The following JPH2 variants were observed in gnomAD, a reference collection of about 807,000 sequenced individuals.
JPH2 encodes the protein junctophilin-2.
A neutral mutation model predicts 55.9 loss-of-function variants in JPH2; 38 were observed. The observed-to-expected ratio is 0.68, with a 90% CI of 0.52 to 0.89. The LOEUF is 0.89. Among genes scored for constraint, JPH2 ranks in the 40% least tolerant of loss-of-function variants. The pLI, the probability that JPH2 is intolerant of heterozygous loss-of-function variation, is 0.00. For synonymous variants in JPH2, 480 were observed against 472.4 expected, an observed-to-expected ratio of 1.02 and a Z score of -0.21; for missense variants, 964 against 1,037.6, an observed-to-expected ratio of 0.93 and a Z score of 0.97.
Position 44,126,164 on chromosome 20 carries a change from G to GGAAGGAAGGA in JPH2, c.1170-7542_1170-7541insTCCTTCCTTC, listed in dbSNP as rs1569186945. ...AGAGGGAGGGAGGGAGGGAGGGAGGGAGGGAGGAAGGAAGGAAGGAAGGAA... is the reference window on the plus strand; with the variant it reads ...AGAGGGAGGGAGGGAGGGAGGGAGGGGAAGGAAGGAAGGGAGGAAGGAAGGAAGGAAGGAA... On this transcript the variant is annotated intron_variant, in intron 2 of 5. Transcript: ENST00000372980. 4.3e-3 allele frequency among the ~76,000 whole-genome samples: 128 copies of GGAAGGAAGGA among 30,104 alleles called. 5 individuals carry two copies. Among genetic ancestry groups the GGAAGGAAGGA allele is most frequent in the African/African-American group, 0.014 (122 of 8,874 alleles). 19.7% of individuals were successfully genotyped at this position (30,104 alleles called of 152,430 possible).
At chr20:44,155,748 CTG>C (rs2072561121) in intron 2 of JPH2, among the ~76,000 whole-genome samples, 1 of 152,176 alleles carries the variant, frequency 6.6e-6, no homozygotes, top group African/African-American at 2.4e-5. Flanking sequence ...CTCCTCAAAA[CTG>C]TTGGGCTGGG....
At chr20:44,163,903 A>G (rs2072634709) in intron 1 of JPH2, among the ~76,000 whole-genome samples, 1 of 152,232 alleles carries the variant, frequency 6.6e-6, no homozygotes, top group Admixed American at 6.5e-5. Flanking sequence ...CCCTTCAATG[A>G]CCAGCCTCAA....
chr20:44,176,007 C>T (rs1001380698), intron 1 of JPH2, among the ~76,000 whole-genome samples: 1 of 152,192 alleles, frequency 6.6e-6, no homozygotes, highest in Non-Finnish European at 1.5e-5. Flanking sequence ...CTCCTCAAAC[C>T]CTCACCCCAT....
intron 2 of JPH2, among the ~76,000 whole-genome samples, chr20:44,135,782 C>A (rs974232725): frequency 2.0e-5 from 3 of 152,196 alleles, no homozygotes; most frequent in Admixed American, 2.0e-4. Context: ...ATCTCATCTC[C>A]TTTAAGATCA....
At position 44,186,394 on chromosome 20, in the gene JPH2, G is replaced by C; in HGVS notation, c.312C>G (p.Ala104=). 2 of 1,613,542 alleles carry C rather than the reference G, an allele frequency of 1.2e-6. No homozygotes were observed. Among genetic ancestry groups the C allele is most frequent in the Non-Finnish European group, 1.7e-6 (2 of 1,179,930 alleles). Residue 104 remains alanine, a synonymous_variant, in exon 1 of 6, where the codon GCC becomes GCG. Coordinates refer to ENST00000372980, the MANE Select transcript of JPH2 (RefSeq NM_020433.5). The part of the protein sequence containing the change: ...YGIRQSSSSG[A]KYEGTWNNGL... The stretch of plus-strand genomic sequence containing the variant: ...CATTGTTCCAGGTGCCCTCATACTT[G>C]GCACCGCTGCTTGAGCTCTGCCGGA...
rs2072192700 is a variant in JPH2 at position 44,116,352 on chromosome 20, C to T, written c.1323G>A (p.Glu441=). ...GCAGGCTCTCCGAGTTCTCCAGGAT[C>T]TCCTGCAGCAGCCGGCGCTTCTGAT... ...PEYQKRRLLQ[E]ILENSESLLE... is the part of the protein sequence containing the mutation. Residue 441 remains glutamate (E), a synonymous_variant, in exon 4 of 6, where the codon GAG becomes GAA. Coordinates refer to ENST00000372980, the MANE Select transcript of JPH2 (RefSeq NM_020433.5). 6.5e-7 allele frequency: 1 copy of T among 1,547,558 alleles called. No homozygotes were observed. Among genetic ancestry groups the T allele is most frequent in the African/African-American group, 1.4e-5 (1 of 72,990 alleles).
At position 44,134,359 on chromosome 20, in the gene JPH2, T is replaced by A. The variant is rs1427961064; in HGVS notation, c.1170-15736A>T. 1.0e-3 allele frequency among the ~76,000 whole-genome samples: 2 copies of A among 2,000 alleles called. 1 individual carries two copies. The highest frequency in any genetic ancestry group is 5.6e-3 in the African/African-American group (2 of 360). 1.3% of individuals were successfully genotyped at this position (2,000 alleles called of 152,430 possible). ...ATAATAAATATTTATTATAAATATA[T>A]ATATTTATTATAAATATATATAAAT... On this transcript the variant is annotated intron_variant, in intron 2 of 5. Transcript: ENST00000372980.
intron 1 of JPH2, among the ~76,000 whole-genome samples, chr20:44,169,201 G>A (rs1238607002): frequency 4.5e-5 from 6 of 133,966 alleles, no homozygotes. Context: ...TTTTGAGATA[G>A]AGTCTTTCTC....
chr20:44,133,874 T>A (rs5014521), intron 2 of JPH2, among the ~76,000 whole-genome samples: 7,308 of 56,418 alleles, frequency 0.13, 1,308 homozygotes, highest in East Asian at 0.31. Flanking sequence ...TTATAATATA[T>A]AAATATATAT....
chr20:44,170,841 C>T (rs577421169), intron 1 of JPH2, among the ~76,000 whole-genome samples: 3 of 152,200 alleles, frequency 2.0e-5, no homozygotes, highest in Admixed American at 6.5e-5. Context: ...CAGGCATCAT[C>T]ATTTCGATGT....
chr20:44,129,204 A>G (rs1342144094), intron 2 of JPH2, among the ~76,000 whole-genome samples: 1 of 152,120 alleles, frequency 6.6e-6, no homozygotes, highest in Non-Finnish European at 1.5e-5. Context: ...AGCCTCCTCT[A>G]GTGAGGGAGT....
At chr20:44,179,041 G>A (rs915461730) in intron 1 of JPH2, among the ~76,000 whole-genome samples, 9 of 152,106 alleles carry the variant, frequency 5.9e-5, no homozygotes, top group East Asian at 5.8e-4. Context: ...GATCCAGAGC[G>A]CAGAAGCTTG....
chr20:44,157,120 G>C (rs138271409), intron 2 of JPH2, among the ~76,000 whole-genome samples: 2 of 152,112 alleles, frequency 1.3e-5, no homozygotes, highest in Non-Finnish European at 2.9e-5. Flanking sequence ...TTCAAGCCAT[G>C]TCTGGTGTCC....
chr20:44,165,056 T>C (rs2072646469), intron 1 of JPH2, among the ~76,000 whole-genome samples: 1 of 152,110 alleles, frequency 6.6e-6, no homozygotes, highest in African/African-American at 2.4e-5. Context: ...CAGGCTGGTC[T>C]CAAACTCCTG....
intron 2 of JPH2, among the ~76,000 whole-genome samples, chr20:44,157,362 C>G (rs896208163): frequency 1.3e-5 from 2 of 152,144 alleles, no homozygotes; most frequent in Non-Finnish European, 2.9e-5. Context: ...CTTGCGATGA[C>G]CTTGAAGGTC....
chr20:44,168,194 C>T (rs934881144), intron 1 of JPH2, among the ~76,000 whole-genome samples: 1 of 152,138 alleles, frequency 6.6e-6, no homozygotes, highest in Non-Finnish European at 1.5e-5. Context: ...ACAGAGAGAG[C>T]TCAGGAAGAA....
Position 44,160,682 on chromosome 20 carries a change from G to A in JPH2, c.380-275C>T, listed in dbSNP as rs977660489. On this transcript the variant is annotated intron_variant, in intron 1 of 5. Coordinates refer to ENST00000372980, the MANE Select transcript of JPH2 (RefSeq NM_020433.5). The surrounding 1 kb of genome is among the most constrained non-coding windows in gnomAD (Gnocchi z 4.9). ...AAGTCGTGAACGGATAAGCTAGTGA[G>A]TTCGCATGGTAGTGCAAATGTTGGA... Among the ~76,000 whole-genome samples the A allele has an allele frequency of 6.6e-6, 1 of 152,256 alleles. No individual in the cohort carries two copies. Among genetic ancestry groups the A allele is most frequent in the Admixed American group, 6.5e-5 (1 of 15,292 alleles).
intron 2 of JPH2, among the ~76,000 whole-genome samples, chr20:44,132,140 G>A (rs2072323192): frequency 1.3e-5 from 2 of 152,084 alleles, no homozygotes; most frequent in African/African-American, 2.4e-5. Context: ...GCCAATCCTA[G>A]GAATAAGATT....
intron 1 of JPH2, among the ~76,000 whole-genome samples, chr20:44,162,783 T>TACAC (rs1218448060): frequency 1.1e-3 from 67 of 62,048 alleles, no homozygotes; most frequent in African/African-American, 4.7e-3. Flanking sequence ...TATATATATA[T>TACAC]ATATACACAC....
Sources: allele counts gnomAD v4.1 joint callset (sites outside exome capture counted in the v4.1 genomes callset), GRCh38; gene constraint gnomAD v4.1.1; non-coding constraint Gnocchi (gnomAD v3.1); transcripts MANE v1.5; gene names NCBI Gene and HGNC (gene_info 2026-07-23, HGNC 2026-07-21).